DTNB: variants seen among roughly 807,000 people sequenced by gnomAD.
DTNB encodes the protein DTN-B.
DTNB carries 63 observed loss-of-function variants against 90.7 expected under a neutral mutation model. The observed-to-expected ratio is 0.69, with a 90% CI of 0.57 to 0.86. The LOEUF (loss-of-function observed/expected upper bound fraction) is 0.86. Among genes scored for constraint, DTNB ranks in the 40% least tolerant of loss-of-function variants. The pLI is 0.00. For synonymous variants in DTNB, 277 were observed against 286.7 expected (o/e 0.97, Z 0.34); for missense variants, 744 against 807.1 (o/e 0.92, Z 0.95).
intron 9 of DTNB, among the ~76,000 whole-genome samples, chr2:25,503,213 G>A (rs2071300708): frequency 6.6e-6 from 1 of 152,072 alleles, no homozygotes; most frequent in African/African-American, 2.4e-5. Context: ...ATTAGAGTCA[G>A]GTGCAGTGGC....
At chr2:25,540,872 C>G (rs970684743) in intron 8 of DTNB, among the ~76,000 whole-genome samples, 1 of 151,936 alleles carries the variant, frequency 6.6e-6, no homozygotes, top group South Asian at 2.1e-4. Flanking sequence ...TCACCACTCC[C>G]TAATCTCAAG....
intron 5 of DTNB, 140 bp downstream of exon 5, chr2:25,607,096 C>T: frequency 2.4e-6 from 2 of 838,780 alleles, no homozygotes; most frequent in East Asian, 2.7e-5. Context: ...AACTCACCTA[C>T]TGTGAGCCAG....
intron 9 of DTNB, among the ~76,000 whole-genome samples, chr2:25,496,239 T>C (rs1205044226): frequency 6.6e-6 from 1 of 152,182 alleles, no homozygotes; most frequent in Admixed American, 6.5e-5. Flanking sequence ...TCAACAGAAA[T>C]GTATTTTTTT....
intron 14 of DTNB, among the ~76,000 whole-genome samples, chr2:25,431,070 C>T (rs1265471587): frequency 6.6e-6 from 1 of 152,126 alleles, no homozygotes. Flanking sequence ...GAATCCAGCC[C>T]TTTATGTGTC....
intron 2 of DTNB, among the ~76,000 whole-genome samples, chr2:25,649,001 T>C (rs2080179079): frequency 4.1e-5 from 4 of 96,808 alleles, no homozygotes; most frequent in Non-Finnish European, 8.4e-5. Flanking sequence ...ACCTTTTTTT[T>C]TTTTTTTTTT....
intron 1 of DTNB, among the ~76,000 whole-genome samples, chr2:25,669,000 T>C (rs904878139): frequency 5.8e-4 from 88 of 152,360 alleles, no homozygotes; most frequent in African/African-American, 2.0e-3. Flanking sequence ...GACATTATAC[T>C]AAGTGAAATC....
chr2:25,458,180 T>C (rs1464349522), intron 10 of DTNB, among the ~76,000 whole-genome samples: 1 of 152,172 alleles, frequency 6.6e-6, no homozygotes, highest in Non-Finnish European at 1.5e-5. Flanking sequence ...GAAGATTCAT[T>C]TAATGAATCA....
intron 1 of DTNB, among the ~76,000 whole-genome samples, chr2:25,658,850 G>A (rs1458909884): frequency 6.6e-6 from 1 of 152,246 alleles, no homozygotes; most frequent in African/African-American, 2.4e-5. Flanking sequence ...GTGGAAACAT[G>A]ACACTATGTG....
At chr2:25,514,616 AC>A (rs1439744913) in intron 9 of DTNB, among the ~76,000 whole-genome samples, 1 of 148,190 alleles carries the variant, frequency 6.7e-6, no homozygotes, top group Non-Finnish European at 1.5e-5. Context: ...TACATCTAAC[AC>A]CCTTTTAGGA....
At chr2:25,576,221 G>GTTT (rs57969480) in intron 8 of DTNB, among the ~76,000 whole-genome samples, 140 of 97,506 alleles carry the variant, frequency 1.4e-3, no homozygotes, top group Non-Finnish European at 1.8e-3. Flanking sequence ...GAACAGTTTT[G>GTTT]TTTTTTTTTT....
intron 1 of DTNB, among the ~76,000 whole-genome samples, chr2:25,656,005 T>G (rs750181201): frequency 7.2e-5 from 11 of 152,124 alleles, no homozygotes; most frequent in Non-Finnish European, 1.2e-4. Context: ...GTGAAAAAAA[T>G]CAGTACCTGG....
intron 16 of DTNB, among the ~76,000 whole-genome samples, chr2:25,392,409 CA>C (rs1186297332): frequency 6.6e-6 from 1 of 151,936 alleles, no homozygotes; most frequent in East Asian, 1.9e-4. Context: ...GACTCCATCT[CA>C]AAAATGAATG....
intron 8 of DTNB, among the ~76,000 whole-genome samples, chr2:25,533,083 G>C (rs557633566): frequency 2.6e-5 from 4 of 152,124 alleles, no homozygotes; most frequent in Non-Finnish European, 4.4e-5. Flanking sequence ...CAGCACTTTG[G>C]GAGGCAGAGG....
chr2:25,471,309 G>A (rs770521890), intron 10 of DTNB, among the ~76,000 whole-genome samples: 1 of 151,710 alleles, frequency 6.6e-6, no homozygotes, highest in Non-Finnish European at 1.5e-5. Context: ...GCGGGGTCTC[G>A]TCTTGATGAA....
At chr2:25,527,661 T>C (rs1387428323) in intron 9 of DTNB, among the ~76,000 whole-genome samples, 1 of 151,816 alleles carries the variant, frequency 6.6e-6, no homozygotes, top group Non-Finnish European at 1.5e-5. Context: ...TGAGAGAAAA[T>C]TAATAAATTC....
chr2:25,526,392 TA>T (rs767168724), intron 9 of DTNB, among the ~76,000 whole-genome samples: 11,956 of 62,338 alleles, frequency 0.19, 938 homozygotes, highest in Admixed American at 0.24. Context: ...TATATATATA[TA>T]TATTTTTTTT....
intron 9 of DTNB, among the ~76,000 whole-genome samples, chr2:25,528,797 T>C (rs1409414351): frequency 1.3e-5 from 2 of 152,224 alleles, no homozygotes; most frequent in Non-Finnish European, 2.9e-5. Flanking sequence ...ATACTTTTTG[T>C]AACAGCAATT....
chr2:25,455,487 A>G lies in DTNB; in HGVS notation c.1087T>C (p.Tyr363His). ...GVPTPTKRLQ[Y>H]SQDIPSHLAD... ...AAGTGACTGGGTATATCCTGGCTATACTGTAACCTAGGAACAATGGAGGCA... is the reference window on the plus strand; with the variant it reads ...AAGTGACTGGGTATATCCTGGCTATGCTGTAACCTAGGAACAATGGAGGCA... Residue 363 changes from tyrosine (Y) to histidine (H), a missense_variant, in exon 11 of 21, where the codon TAT (tyrosine) becomes CAT (histidine). Coordinates refer to ENST00000406818, the MANE Select transcript of DTNB (RefSeq NM_021907.5). The G allele has an allele frequency of 1.9e-6, 3 of 1,604,768 alleles. No homozygotes were observed. Among genetic ancestry groups the G allele is most frequent in the Non-Finnish European group, 2.6e-6 (3 of 1,175,780 alleles).
chr2:25,554,324 T>C (rs902447938), intron 8 of DTNB, among the ~76,000 whole-genome samples: 14 of 152,134 alleles, frequency 9.2e-5, no homozygotes, highest in Non-Finnish European at 2.1e-4. Context: ...TTTAATATCA[T>C]GGACAGAATT....
Sources: gnomAD v4.1 joint callset for allele counts (sites outside exome capture counted in the v4.1 genomes callset) on GRCh38, gnomAD v4.1.1 for gene constraint, MANE v1.5 for transcripts, NCBI Gene and HGNC (gene_info 2026-07-23, HGNC 2026-07-21) for gene names.